KAZN: variants seen among roughly 807,000 people sequenced by gnomAD.
KAZN encodes the protein kazrin, periplakin interacting protein, also known as kazrin.
KAZN carries 40 observed loss-of-function variants against 87.4 expected under a neutral mutation model. That is an observed-to-expected ratio of 0.46 (90% CI 0.36 to 0.60). The LOEUF (loss-of-function observed/expected upper bound fraction) is 0.60, where lower values mean the gene tolerates loss of function less well. Among genes scored for constraint, KAZN ranks in the 20% least tolerant of loss-of-function variants. KAZN has a pLI of 0.00. For missense variants in KAZN, 898 were observed against 1,073.9 expected, an observed-to-expected ratio of 0.84 and a Z score of 2.29; for synonymous variants, 466 against 458.3, an observed-to-expected ratio of 1.02 and a Z score of -0.22.
intron 1 of KAZN, among the ~76,000 whole-genome samples, chr1:14,860,183 C>T (rs1650669661): frequency 6.6e-6 from 1 of 150,492 alleles, no homozygotes; most frequent in African/African-American, 2.4e-5. Context: ...CTCTCTAGAT[C>T]TCTCTCTCTC....
chr1:14,909,520 G>A (rs1324136141), intron 1 of KAZN, among the ~76,000 whole-genome samples: 2 of 152,106 alleles, frequency 1.3e-5, no homozygotes, highest in Non-Finnish European at 2.9e-5. Flanking sequence ...GAGTTAGGCC[G>A]TTTCCTCTGC....
intron 1 of KAZN, among the ~76,000 whole-genome samples, chr1:14,176,864 A>T (rs72643190): frequency 0.11 from 16,978 of 152,278 alleles, 1,107 homozygotes; most frequent in East Asian, 0.34. Context: ...TTTAGGTATA[A>T]GATCTAAAAC....
upstream of KAZN, among the ~76,000 whole-genome samples, chr1:14,595,054 G>T (rs147123861): frequency 3.9e-5 from 6 of 151,990 alleles, no homozygotes; most frequent in East Asian, 1.2e-3. Flanking sequence ...CTGAGGCAGA[G>T]AATTGCTTGA....
intron 1 of KAZN, among the ~76,000 whole-genome samples, chr1:14,014,358 G>A (rs1440560620): frequency 6.6e-6 from 1 of 152,004 alleles, no homozygotes; most frequent in African/African-American, 2.4e-5. Flanking sequence ...AGAAGACAGA[G>A]TCCCCTGTCA....
intron 2 of KAZN, among the ~76,000 whole-genome samples, chr1:14,520,526 A>G (rs1394577839): frequency 6.6e-6 from 1 of 152,236 alleles, no homozygotes; most frequent in African/African-American, 2.4e-5. Flanking sequence ...CCATCTCCAT[A>G]AAAAGCAGTG....
intron 1 of KAZN, among the ~76,000 whole-genome samples, chr1:14,011,415 G>A (rs1404572499): frequency 6.6e-6 from 1 of 152,118 alleles, no homozygotes; most frequent in Non-Finnish European, 1.5e-5. Context: ...TGGCTGCTTC[G>A]TTTGCATCAC....
intron 1 of KAZN, among the ~76,000 whole-genome samples, chr1:14,795,664 T>A: frequency 6.6e-6 from 1 of 152,154 alleles, no homozygotes; most frequent in Non-Finnish European, 1.5e-5. Context: ...GATCTGGCTC[T>A]CACCTCCTCT....
chr1:14,172,161 AC>A (rs1309707482), intron 1 of KAZN, among the ~76,000 whole-genome samples: 1 of 152,170 alleles, frequency 6.6e-6, no homozygotes, highest in African/African-American at 2.4e-5. Flanking sequence ...AACCAAATAA[AC>A]TGGTTTTTAT....
rs910105 is a variant in KAZN at position 15,115,430 on chromosome 1, C to T, written c.*795C>T. On this transcript the variant is annotated 3_prime_UTR_variant, in exon 15 of 15. Transcript: ENST00000376030. This position sits in a 1 kb window ranked among gnomAD's most constrained non-coding sequence, Gnocchi z 4.1. ...GGACAACAGGATCGGGGATGACCGA[C>T]GGCCCCATATGGTGAATCTCTGGCC... 89,689 of 151,892 alleles carry T rather than the reference C, an allele frequency of 0.59. 26,934 individuals are homozygous for T. Among genetic ancestry groups the T allele is most frequent in the East Asian group, 0.73 (3,796 of 5,174 alleles). 9.4% of individuals were successfully genotyped at this position (151,892 alleles called of 1,614,324 possible).
intron 2 of KAZN, among the ~76,000 whole-genome samples, chr1:15,027,654 C>T (rs1671308148): frequency 6.6e-6 from 1 of 152,152 alleles, no homozygotes; most frequent in African/African-American, 2.4e-5. Context: ...GGGTCAGGAA[C>T]ATTGCATGGA....
At chr1:14,248,020 C>A (rs1340698492) in intron 2 of KAZN, among the ~76,000 whole-genome samples, 1 of 152,140 alleles carries the variant, frequency 6.6e-6, no homozygotes, top group Non-Finnish European at 1.5e-5. Flanking sequence ...TGTAAAACGC[C>A]ACTCTCAATC....
chr1:14,961,911 G>T (rs890115966), intron 2 of KAZN, among the ~76,000 whole-genome samples: 1 of 152,180 alleles, frequency 6.6e-6, no homozygotes, highest in Non-Finnish European at 1.5e-5. Context: ...GGCCGGTTGG[G>T]TGTATGTGTT....
At chr1:14,296,013 G>A (rs1253966798) in intron 2 of KAZN, among the ~76,000 whole-genome samples, 1 of 152,100 alleles carries the variant, frequency 6.6e-6, no homozygotes, top group African/African-American at 2.4e-5. Flanking sequence ...TCACCTCTCT[G>A]TGCCTCAGTT....
At position 14,943,006 on chromosome 1, in the gene KAZN, T is replaced by TGGGG. The variant is rs35224698; in HGVS notation, c.227-17676_227-17675insGGGG. On this transcript the variant is annotated intron_variant, in intron 1 of 14. Coordinates refer to ENST00000376030, the MANE Select transcript of KAZN (RefSeq NM_201628.3). ...GATGTGAGCTGCGTGTGTGTGTGTG[T>TGGGG]GGTGTGTGTGTGTGTGTGTGTGTGT... is the stretch of plus-strand genomic sequence containing the variant. Among the ~76,000 whole-genome samples the TGGGG allele has an allele frequency of 4.9e-5, 5 of 101,698 alleles. No homozygotes were observed. In the East Asian group the frequency reaches 1.3e-3, roughly 25 times the overall value. The allele number at this position is 101,698 out of a possible 152,430, so 66.7% of individuals were successfully genotyped here. A position where few individuals can be genotyped will look rare whatever the true frequency, so the allele number is the denominator to read the frequency against.
At chr1:14,724,153 G>T (rs948701867) in intron 1 of KAZN, among the ~76,000 whole-genome samples, 2 of 152,118 alleles carry the variant, frequency 1.3e-5, no homozygotes, top group Non-Finnish European at 2.9e-5. Flanking sequence ...TGGCGAGCAG[G>T]TGCACAATTA....
intron 1 of KAZN, among the ~76,000 whole-genome samples, chr1:14,141,849 A>C (rs548249838): frequency 1.1e-4 from 17 of 152,258 alleles, no homozygotes; most frequent in African/African-American, 4.1e-4. Flanking sequence ...GTTTGTTATT[A>C]CTGCATGTTC....
intron 2 of KAZN, among the ~76,000 whole-genome samples, chr1:14,565,606 T>C (rs1027946734): frequency 6.6e-6 from 1 of 152,224 alleles, no homozygotes; most frequent in African/African-American, 2.4e-5. Flanking sequence ...GCTGTTTGCA[T>C]TTTGTCAAAA....
chr1:14,948,381 C>T lies in KAZN; in HGVS notation c.227-12303C>T, dbSNP rs188562100. 2.5e-3 allele frequency among the ~76,000 whole-genome samples: 388 copies of T among 152,294 alleles called. 2 individuals carry two copies. The highest frequency in any genetic ancestry group is 4.4e-3 in the Non-Finnish European group (298 of 68,028). On this transcript the variant is annotated intron_variant, in intron 1 of 14. Coordinates refer to ENST00000376030, the MANE Select transcript of KAZN (RefSeq NM_201628.3). Reference sequence around the variant, plus strand: ...AGACAGCTGCCAGCAACTCCAGGCTCCATCCTCACAGCCTGAGCCCATTGG... The same window carrying T: ...AGACAGCTGCCAGCAACTCCAGGCTTCATCCTCACAGCCTGAGCCCATTGG...
chr1:14,876,233 T>C (rs2803394), intron 1 of KAZN, among the ~76,000 whole-genome samples: 58,676 of 152,148 alleles, frequency 0.39, 12,906 homozygotes, highest in Non-Finnish European at 0.49. Flanking sequence ...CAATCTGATC[T>C]GCACAATCAC....
Sources: allele counts gnomAD v4.1 joint callset (sites outside exome capture counted in the v4.1 genomes callset), GRCh38; gene constraint gnomAD v4.1.1; non-coding constraint Gnocchi (gnomAD v3.1); transcripts MANE v1.5; gene names NCBI Gene and HGNC (gene_info 2026-07-23, HGNC 2026-07-21).